RIT1: variants seen among roughly 807,000 people sequenced by gnomAD.
RIT1 encodes the protein GTP-binding protein Rit1.
Under a neutral mutation model 25.6 loss-of-function variants are expected in RIT1, and 6 were observed. The observed-to-expected ratio is 0.23, with a 90% confidence interval of 0.13 to 0.46. RIT1 has a LOEUF of 0.46. RIT1 is among the 20% of genes least tolerant of loss of function. The probability of loss-of-function intolerance (pLI) is 0.99; values close to 1 mark genes in which losing one functional copy is unlikely to be tolerated. For synonymous variants in RIT1, 81 were observed against 94.1 expected (o/e 0.86, Z 0.80); for missense variants, 219 against 284.4 (o/e 0.77, Z 1.65).
At position 155,904,366 on chromosome 1, in the gene RIT1, T is replaced by G. The variant is rs752204910; in HGVS notation, c.374A>C (p.Asp125Ala). ...KQLIYRVRRTDDTPVVLVGNK... is the reference protein window; with the variant it reads ...KQLIYRVRRTADTPVVLVGNK... Reference sequence around the variant, plus strand: ...TCCCACAAGAACCACAGGTGTATCGTCAGTACGTCGGACTCGATAAATAAG... The same window carrying G: ...TCCCACAAGAACCACAGGTGTATCGGCAGTACGTCGGACTCGATAAATAAG... The change falls in exon 5 of 6, where the codon GAC (aspartate) becomes GCC (alanine). Residue 125 changes from aspartate (D) to alanine (A), a missense_variant. Physicochemically the swap from Asp to Ala is moderately radical, Grantham distance 126. Around this residue, in one of 3 missense-constraint regions of RIT1, gnomAD observed 131 missense variants for 173.6 expected, o/e 0.75. Transcript: ENST00000368323. 1 of 1,614,160 alleles carries G rather than the reference T, an allele frequency of 6.2e-7. No individual in the cohort carries two copies. Among genetic ancestry groups the G allele is most frequent in the South Asian group, 1.1e-5 (1 of 91,086 alleles).
At chr1:155,909,892 A>G (rs1367805249) in intron 3 of RIT1, among the ~76,000 whole-genome samples, 2 of 135,106 alleles carry the variant, frequency 1.5e-5, no homozygotes, top group African/African-American at 2.7e-5. Context: ...ATTGCCCTCC[A>G]GCCTGGGAGA....
chr1:155,903,547 T>C (rs1414844164), intron 5 of RIT1, among the ~76,000 whole-genome samples: 8 of 151,886 alleles, frequency 5.3e-5, no homozygotes, highest in Admixed American at 2.0e-4. Context: ...GAGCCCATAA[T>C]TGATACATCT....
chr1:155,910,543 G>C (rs759314326), intron 2 of RIT1, 37 bp from the exon 3 acceptor site: 1 of 1,612,300 alleles, frequency 6.2e-7, no homozygotes, highest in South Asian at 1.1e-5. Context: ...TCCTCACAAA[G>C]GTGACCCACA....
intron 5 of RIT1, 130 bp downstream of exon 5, chr1:155,904,181 C>T (rs1037684670): frequency 4.4e-6 from 3 of 684,820 alleles, no homozygotes; most frequent in Non-Finnish European, 7.3e-6. Context: ...TGGTGTGAGC[C>T]ACCTCACCCA....
At chr1:155,906,039 G>A (rs1220122152) in intron 3 of RIT1, among the ~76,000 whole-genome samples, 2 of 152,078 alleles carry the variant, frequency 1.3e-5, no homozygotes, top group Non-Finnish European at 2.9e-5. Flanking sequence ...ATGTTGGCCA[G>A]GCTGGTCTTG....
chr1:155,910,941 C>G (rs1673584312), intron 1 of RIT1, 137 bp from the exon 2 acceptor site: 7 of 1,515,916 alleles, frequency 4.6e-6, no homozygotes, highest in Non-Finnish European at 6.2e-6. Context: ...CACCACTGCA[C>G]CCTTTCGGGT....
In RIT1 at chr1:155,911,031, CAA is replaced by C. The variant is rs1673587271; in HGVS notation, c.-44+210_-44+211del. On this transcript the variant is annotated intron_variant, in intron 1 of 5. Transcript: ENST00000368323. ...GACACATCACAGGTTTTACTTTTTC[CAA>C]AGAGAAAAATAAAAAGATACAAATA... The C allele has an allele frequency of 2.0e-5, 19 of 959,192 alleles. No homozygotes were observed. The East Asian group carries it at 4.8e-4, about 24-fold the overall frequency. 59.4% of individuals were successfully genotyped at this position (959,192 alleles called of 1,614,324 possible).
Position 155,898,492 on chromosome 1 carries a change from T to TAAAAAA in RIT1, c.*1890_*1895dup, listed in dbSNP as rs139279681. Reference sequence around the variant, plus strand: ...AACATAGTGAAACCTCATCTCTATTTAAAAAAAAAAAAAAAAAAAAAAAAA... The same window carrying TAAAAAA: ...AACATAGTGAAACCTCATCTCTATTTAAAAAAAAAAAAAAAAAAAAAAAAAAAAAAA... On this transcript the variant is annotated 3_prime_UTR_variant, in exon 6 of 6. Coordinates refer to ENST00000368323, the MANE Select transcript of RIT1 (RefSeq NM_006912.6). The TAAAAAA allele has an allele frequency of 7.7e-3, 265 of 34,370 alleles. 13 individuals are homozygous for TAAAAAA. Among genetic ancestry groups the TAAAAAA allele is most frequent in the Non-Finnish European group, 0.012 (213 of 17,822 alleles). The allele number at this position is 34,370 out of a possible 1,614,324, so 2.1% of individuals were successfully genotyped here. A position where few individuals can be genotyped will look rare whatever the true frequency, so the allele number is the denominator to read the frequency against.
intron 3 of RIT1, among the ~76,000 whole-genome samples, chr1:155,908,218 G>A (rs1207680478): frequency 6.6e-6 from 1 of 151,890 alleles, no homozygotes; most frequent in Non-Finnish European, 1.5e-5. Context: ...CACTTTGGGA[G>A]GCCAAGGCAG....
intron 3 of RIT1, among the ~76,000 whole-genome samples, chr1:155,908,936 C>T (rs1673516017): frequency 6.6e-6 from 1 of 152,036 alleles, no homozygotes. Context: ...TTTCCCATCC[C>T]TGGAATCATG....
rs1557956996 is a variant in RIT1 at position 155,898,518 on chromosome 1, A to AAAAAT, written c.*1869_*1870insATTTT. The stretch of plus-strand genomic sequence containing the variant: ...AAAAAAAAAAAAAAAAAAAAAAAAA[A>AAAAAT]ATATATATATATATATATATATATA... On this transcript the variant is annotated 3_prime_UTR_variant, in exon 6 of 6. Transcript: ENST00000368323. The AAAAAT allele has an allele frequency of 3.9e-4, 16 of 40,758 alleles. No homozygotes were observed. The highest frequency in any genetic ancestry group is 1.1e-3 in the African/African-American group (15 of 13,116). The allele number at this position is 40,758 out of a possible 1,614,324, so 2.5% of individuals were successfully genotyped here.
chr1:155,907,347 C>T (rs1192579267), intron 3 of RIT1, among the ~76,000 whole-genome samples: 1 of 150,882 alleles, frequency 6.6e-6, no homozygotes, highest in Non-Finnish European at 1.5e-5. Flanking sequence ...TCAAGGAATT[C>T]TCCCACCTCA....
chr1:155,898,043 C>T lies in RIT1; in HGVS notation c.*2345G>A, dbSNP rs2102577936. 6.6e-6 allele frequency: 1 copy of T among 152,372 alleles called. No individual in the cohort carries two copies. The highest frequency in any genetic ancestry group is 1.5e-5 in the Non-Finnish European group (1 of 68,022). The allele number at this position is 152,372 out of a possible 1,614,324, so 9.4% of individuals were successfully genotyped here. A position where few individuals can be genotyped will look rare whatever the true frequency, so the allele number is the denominator to read the frequency against. On this transcript the variant is annotated 3_prime_UTR_variant, in exon 6 of 6. Transcript: ENST00000368323. ...CATGAACAGTTCCAGTGCCTTTCAA[C>T]TTATCCCTGAATTTTTCTCTTCTCA...
Position 155,898,836 on chromosome 1 carries a change from TA to T in RIT1, c.*1551del. On this transcript the variant is annotated 3_prime_UTR_variant, in exon 6 of 6. Transcript: ENST00000368323. ...TTAAAAAGGGACCACTACTCAGAGC[TA>T]AAAAAGTTCTAACAGTCACTTTTTA... 2 of 192,252 alleles carry T rather than the reference TA, an allele frequency of 1.0e-5. No individual in the cohort carries two copies. Among genetic ancestry groups the T allele is most frequent in the East Asian group, 8.2e-5 (1 of 12,166 alleles). 11.9% of individuals were successfully genotyped at this position (192,252 alleles called of 1,614,324 possible). A position where few individuals can be genotyped will look rare whatever the true frequency, so the allele number is the denominator to read the frequency against.
chr1:155,909,264 G>A (rs1408052209), intron 3 of RIT1, among the ~76,000 whole-genome samples: 1 of 151,862 alleles, frequency 6.6e-6, no homozygotes, highest in African/African-American at 2.4e-5. Flanking sequence ...TGTAGTCCCA[G>A]ATACTCGGGA....
In RIT1 at chr1:155,904,353, C is replaced by T; in HGVS notation, c.387G>A (p.Val129=). 2 of 1,614,100 alleles carry T rather than the reference C, an allele frequency of 1.2e-6. No individual in the cohort carries two copies. Among genetic ancestry groups the T allele is most frequent in the Non-Finnish European group, 8.5e-7 (1 of 1,179,960 alleles). Residue 129 remains valine (V), a synonymous_variant, in exon 5 of 6, where the codon GTG becomes GTA. Coordinates refer to ENST00000368323, the MANE Select transcript of RIT1 (RefSeq NM_006912.6). ...YRVRRTDDTP[V]VLVGNKSDLK... is the part of the protein sequence containing the mutation. ...GGTCTGACTTGTTTCCCACAAGAAC[C>T]ACAGGTGTATCGTCAGTACGTCGGA...
At chr1:155,903,969 C>G (rs1195437691) in intron 5 of RIT1, among the ~76,000 whole-genome samples, 1 of 152,192 alleles carries the variant, frequency 6.6e-6, no homozygotes, top group East Asian at 1.9e-4. Flanking sequence ...GTAGCCCCAA[C>G]CTCACTGCAA....
intron 3 of RIT1, among the ~76,000 whole-genome samples, chr1:155,905,772 A>G (rs935492713): frequency 2.6e-5 from 4 of 152,102 alleles, no homozygotes; most frequent in Non-Finnish European, 5.9e-5. Flanking sequence ...AGCATTATTA[A>G]CCATGTGTTA....
At chr1:155,910,254 A>G in intron 3 of RIT1, 196 bp downstream of exon 3, 1 of 584,058 alleles carries the variant, frequency 1.7e-6, no homozygotes, top group South Asian at 2.1e-5. Context: ...GACAAAGACT[A>G]AAGATGGCTT....
Sources: gnomAD v4.1 joint callset for allele counts (sites outside exome capture counted in the v4.1 genomes callset) on GRCh38, gnomAD v4.1.1 for gene constraint, gnomAD v4.1.1 regional missense constraint, MANE v1.5 for transcripts, NCBI Gene and HGNC (gene_info 2026-07-23, HGNC 2026-07-21) for gene names.